Variants in TEPSIN observed in about 807,000 individuals in gnomAD.
TEPSIN encodes the protein AP-4 complex accessory subunit tepsin.
Under a neutral mutation model 48.5 loss-of-function variants are expected in TEPSIN, and 50 were observed. That is an observed-to-expected ratio of 1.03 (90% confidence interval 0.82 to 1.31). The LOEUF (loss-of-function observed/expected upper bound fraction) is 1.31, where lower values mean the gene tolerates loss of function less well. Ranked by LOEUF, TEPSIN falls within the 50% of genes most tolerant of loss-of-function variation. The pLI is 0.00. For missense variants in TEPSIN, 838 were observed against 815.9 expected, an observed-to-expected ratio of 1.03 and a Z score of -0.33; for synonymous variants, 392 against 358.8, an observed-to-expected ratio of 1.09 and a Z score of -1.05.
In TEPSIN at chr17:81,234,566, G is replaced by A. The variant is rs1197321611; in HGVS notation, c.308-518C>T. On this transcript the variant is annotated intron_variant, in intron 4 of 12. Coordinates refer to ENST00000637944, the MANE Select transcript of TEPSIN (RefSeq NM_001363764.2). The surrounding 1 kb of genome is among the most constrained non-coding windows in gnomAD (Gnocchi z 5.4). Reference sequence around the variant, plus strand: ...GCCCCCCAAGCCTACACCTGGGGCCGCGGCATCCTTTCAGGGCTCAGGCTG... The same window carrying A: ...GCCCCCCAAGCCTACACCTGGGGCCACGGCATCCTTTCAGGGCTCAGGCTG... 6.6e-6 allele frequency among the ~76,000 whole-genome samples: 1 copy of A among 152,030 alleles called. No individual in the cohort carries two copies. The highest frequency in any genetic ancestry group is 6.5e-5 in the Admixed American group (1 of 15,272).
At chr17:81,237,888 C>T (rs753895748) in intron 1 of TEPSIN, 2 of 817,672 alleles carry the variant, frequency 2.4e-6, no homozygotes, top group Non-Finnish European at 3.0e-6. Context: ...GCCGGAATGG[C>T]AGAGTGACAG....
Position 81,229,046 on chromosome 17 carries a change from G to A in TEPSIN, c.1664C>T (p.Ala555Val). 1.9e-6 allele frequency: 3 copies of A among 1,613,350 alleles called. No homozygotes were observed. Among genetic ancestry groups the A allele is most frequent in the South Asian group, 2.2e-5 (2 of 91,060 alleles). ...VACPRLVGAG[A>V]AAGESCPDAP... Reference sequence around the variant, plus strand: ...ATCAGGACAGGACTCTCCCGCAGCAGCCCCAGCCCCCACCAGGCGGGGACA... The same window carrying A: ...ATCAGGACAGGACTCTCCCGCAGCAACCCCAGCCCCCACCAGGCGGGGACA... The change falls in exon 13 of 13, where the codon GCT (alanine) becomes GTT (valine). Residue 555 changes from alanine (A) to valine (V), a missense_variant. Physicochemically the swap from Ala to Val is moderately conservative, Grantham distance 64. Coordinates refer to ENST00000637944, the MANE Select transcript of TEPSIN (RefSeq NM_001363764.2).
intron 11 of TEPSIN, chr17:81,231,049 G>A (rs978625531): frequency 1.3e-4 from 64 of 494,100 alleles, no homozygotes; most frequent in Non-Finnish European, 1.9e-4. Context: ...CCCGACACAC[G>A]CACACACGTG....
In TEPSIN at chr17:81,234,220, C is replaced by T. The variant is rs2062680650; in HGVS notation, c.308-172G>A. 8.0e-6 allele frequency: 4 copies of T among 501,794 alleles called. 1 individual carries two copies. In the South Asian group the frequency reaches 1.4e-4, roughly 17 times the overall value. 31.1% of individuals were successfully genotyped at this position (501,794 alleles called of 1,614,324 possible). ...GGACCCTGCAGAGGCCACACCTGAG[C>T]AGACCCTCAGCTCCCCCTCACCCAT... On this transcript the variant is annotated intron_variant, in intron 4 of 12. Coordinates refer to ENST00000637944, the MANE Select transcript of TEPSIN (RefSeq NM_001363764.2). This position sits in a 1 kb window ranked among gnomAD's most constrained non-coding sequence, Gnocchi z 5.4.
rs767378538 is a variant in TEPSIN at position 81,229,118 on chromosome 17, C to G, written c.1592G>C (p.Cys531Ser). ...TDSPKRGPSSCAWSRDSLFAG... is the reference protein window; with the variant it reads ...TDSPKRGPSSSAWSRDSLFAG... ...AAACAAGGAGTCGCGGCTCCACGCA[C>G]AGCTGCTGGGGCCTCTCTTTGGGCT... Residue 531 changes from cysteine (C) to serine (S), a missense_variant, in exon 13 of 13, where the codon TGT becomes TCT. Transcript: ENST00000637944. 6.2e-7 allele frequency: 1 copy of G among 1,613,286 alleles called. No homozygotes were observed. The highest frequency in any genetic ancestry group is 1.3e-5 in the African/African-American group (1 of 74,868).
At chr17:81,229,919 G>A (rs1023416426) in intron 12 of TEPSIN, 7 of 195,076 alleles carry the variant, frequency 3.6e-5, no homozygotes, top group Non-Finnish European at 7.3e-5. Flanking sequence ...TCGTCGCTCT[G>A]ACTGAAAGGT....
In TEPSIN at chr17:81,237,550, C is replaced by T. The variant is rs536202706; in HGVS notation, c.49-91G>A. 59 of 1,310,000 alleles carry T rather than the reference C, an allele frequency of 4.5e-5. No homozygotes were observed. The African/African-American group carries it at 6.0e-4, about 13-fold the overall frequency. The allele number at this position is 1,310,000 out of a possible 1,614,324, so 81.1% of individuals were successfully genotyped here. On this transcript the variant is annotated intron_variant, in intron 1 of 12. Coordinates refer to ENST00000637944, the MANE Select transcript of TEPSIN (RefSeq NM_001363764.2). ...CCCCAAAGGGGATGGAAACGACCCACCTCTCACTGTTGACATGGCCGGAGA... is the reference window on the plus strand; with the variant it reads ...CCCCAAAGGGGATGGAAACGACCCATCTCTCACTGTTGACATGGCCGGAGA...
chr17:81,231,589 G>A lies in TEPSIN; in HGVS notation c.1008C>T (p.His336=). ...RAFLSREEAQ[H]FIKACGLLNC... ...CCGGGCGCACTCACGCTTTGATGAA[G>A]TGCTGTGCCTCCTCGCGGCTCAGGA... The change falls in exon 10 of 13, where the codon CAC becomes CAT. Residue 336 remains histidine, a synonymous_variant. Transcript: ENST00000637944. 3.1e-6 allele frequency: 5 copies of A among 1,612,510 alleles called. No individual in the cohort carries two copies. Among genetic ancestry groups the A allele is most frequent in the Non-Finnish European group, 4.2e-6 (5 of 1,179,468 alleles).
At position 81,238,485 on chromosome 17, in the gene TEPSIN, T is replaced by C. The variant is rs921625948; in HGVS notation, c.48+501A>G. 32 of 509,208 alleles carry C rather than the reference T, an allele frequency of 6.3e-5. No homozygotes were observed. In the South Asian group the frequency reaches 2.7e-3, roughly 43 times the overall value. 31.5% of individuals were successfully genotyped at this position (509,208 alleles called of 1,614,324 possible). Reference sequence around the variant, plus strand: ...CTGGGAACTCGCCCCGGCCTCTACTTCTCAGAGGGTTTACTAAGAGGGGCT... The same window carrying C: ...CTGGGAACTCGCCCCGGCCTCTACTCCTCAGAGGGTTTACTAAGAGGGGCT... On this transcript the variant is annotated intron_variant, in intron 1 of 12. Transcript: ENST00000637944.
Position 81,234,226 on chromosome 17 carries a change from C to T in TEPSIN, c.308-178G>A. The stretch of plus-strand genomic sequence containing the variant: ...TGCAGAGGCCACACCTGAGCAGACC[C>T]TCAGCTCCCCCTCACCCATGCCCCA... On this transcript the variant is annotated intron_variant, in intron 4 of 12. Transcript: ENST00000637944. The surrounding 1 kb of genome is among the most constrained non-coding windows in gnomAD (Gnocchi z 5.4). 1 of 484,478 alleles carries T rather than the reference C, an allele frequency of 2.1e-6. No homozygotes were observed. Among genetic ancestry groups the T allele is most frequent in the Non-Finnish European group, 3.6e-6 (1 of 274,766 alleles). 30.0% of individuals were successfully genotyped at this position (484,478 alleles called of 1,614,324 possible). A position where few individuals can be genotyped will look rare whatever the true frequency, so the allele number is the denominator to read the frequency against.
At position 81,232,464 on chromosome 17, in the gene TEPSIN, GCCA is replaced by G. The variant is rs1476838885; in HGVS notation, c.578_580del (p.Val193del). ...CTCGGGCCCGGGGCGCATGGCGCTG[GCCA>G]CCACCTCTGCGGCCTTCTGGATGGT... On this transcript the variant is annotated inframe_deletion, in exon 8 of 13. Transcript: ENST00000637944. 1 of 1,535,174 alleles carries G rather than the reference GCCA, an allele frequency of 6.5e-7. No homozygotes were observed. The highest frequency in any genetic ancestry group is 2.0e-5 in the Admixed American group (1 of 50,988).
intron 1 of TEPSIN, 95 bp downstream of exon 1, chr17:81,238,891 G>A (rs2062774684): frequency 7.3e-7 from 1 of 1,368,308 alleles, no homozygotes; most frequent in Non-Finnish European, 9.4e-7. Flanking sequence ...GCGCGGAGAC[G>A]CAAGGTCAAT....
rs1312511460 is a variant in TEPSIN at position 81,237,326 on chromosome 17, C to A, written c.121+61G>T. The stretch of plus-strand genomic sequence containing the variant: ...CAGCAGAATCCCCAGGAACCCTTTG[C>A]ACCACTCTGGGACCCTGCCATCCGC... On this transcript the variant is annotated intron_variant, in intron 2 of 12. Transcript: ENST00000637944. The A allele has an allele frequency of 1.7e-5, 27 of 1,557,828 alleles. 1 individual carries two copies. Among genetic ancestry groups the A allele is most frequent in the Middle Eastern group, 1.7e-4 (1 of 6,006 alleles).
chr17:81,235,538 G>T (rs1397361453), intron 4 of TEPSIN, among the ~76,000 whole-genome samples: 1 of 152,176 alleles, frequency 6.6e-6, no homozygotes, highest in Non-Finnish European at 1.5e-5. Context: ...AGAACCCAGG[G>T]TCTGAAGAAG....
rs778701302 is a variant in TEPSIN, at chr17:81,236,965, C to A, written c.213+15G>T. 6.4e-7 allele frequency: 1 copy of A among 1,562,626 alleles called. No homozygotes were observed. Among genetic ancestry groups the A allele is most frequent in the East Asian group, 2.4e-5 (1 of 42,128 alleles). Reference sequence around the variant, plus strand: ...CCGGGCCTCAGGCCTGACCCTTGACCACCCAGGGGCTCACCTTGAGCTTCC... The same window carrying A: ...CCGGGCCTCAGGCCTGACCCTTGACAACCCAGGGGCTCACCTTGAGCTTCC... On this transcript the variant is annotated intron_variant, in intron 3 of 12. Transcript: ENST00000637944.
chr17:81,237,664 G>A (rs565874826), intron 1 of TEPSIN: 12 of 619,550 alleles, frequency 1.9e-5, no homozygotes, highest in African/African-American at 3.7e-5. Context: ...GAACAGCCTC[G>A]GAGAAGAGGC....
In TEPSIN at chr17:81,230,467, G is replaced by A; in HGVS notation, c.1233+77C>T. The A allele has an allele frequency of 6.4e-7, 1 of 1,563,510 alleles. No homozygotes were observed. Among genetic ancestry groups the A allele is most frequent in the Non-Finnish European group, 8.7e-7 (1 of 1,155,438 alleles). The stretch of plus-strand genomic sequence containing the variant: ...GCTGACCAGGCGCCGGGCAGGGACG[G>A]GGTGGCCGTGGACTGCAGCGTATCT... On this transcript the variant is annotated intron_variant, in intron 12 of 12. Coordinates refer to ENST00000637944, the MANE Select transcript of TEPSIN (RefSeq NM_001363764.2). This position sits in a 1 kb window ranked among gnomAD's most constrained non-coding sequence, Gnocchi z 4.2.
chr17:81,229,275 G>A lies in TEPSIN; in HGVS notation c.1435C>T (p.Pro479Ser), dbSNP rs868328634. ...SRSPAPSSGMPSSPVPTPPPD... is the reference protein window; with the variant it reads ...SRSPAPSSGMSSSPVPTPPPD... ...GGTGGGGTGGGCACAGGGCTGGACG[G>A]CATCCCAGATGAGGGAGCAGGGCTC... Residue 479 changes from proline (P) to serine (S), a missense_variant, in exon 13 of 13, where the codon CCG becomes TCG. Transcript: ENST00000637944. The A allele has an allele frequency of 3.8e-6, 6 of 1,576,880 alleles. No homozygotes were observed. The highest frequency in any genetic ancestry group is 5.2e-6 in the Non-Finnish European group (6 of 1,161,550).
Position 81,235,968 on chromosome 17 carries a change from C to A in TEPSIN, c.307+740G>T, listed in dbSNP as rs559858988. Among the ~76,000 whole-genome samples, 13 of 152,350 alleles carry A rather than the reference C, an allele frequency of 8.5e-5. No homozygotes were observed. In the South Asian group the frequency reaches 1.7e-3, roughly 19 times the overall value. On this transcript the variant is annotated intron_variant, in intron 4 of 12. Coordinates refer to ENST00000637944, the MANE Select transcript of TEPSIN (RefSeq NM_001363764.2). ...TGGATGGTACACCCTGAGGTCTCCACAAGCAAGCAGTGGCACGAGACAGAC... is the reference window on the plus strand; with the variant it reads ...TGGATGGTACACCCTGAGGTCTCCAAAAGCAAGCAGTGGCACGAGACAGAC...
Sources: gnomAD v4.1 joint callset for allele counts (sites outside exome capture counted in the v4.1 genomes callset) on GRCh38, gnomAD v4.1.1 for gene constraint, Gnocchi (gnomAD v3.1) non-coding constraint, MANE v1.5 for transcripts, NCBI Gene and HGNC (gene_info 2026-07-23, HGNC 2026-07-21) for gene names.